VWF: variants seen among roughly 807,000 people sequenced by gnomAD.
VWF encodes the protein von Willebrand factor, also known as Factor VIII related antigen.
Under a neutral mutation model 308.6 loss-of-function variants are expected in VWF, and 176 were observed. The ratio of observed to expected loss-of-function variants is 0.57; its 90% CI spans 0.50 to 0.65. VWF has a LOEUF of 0.65. Among genes scored for constraint, VWF ranks in the 30% least tolerant of loss-of-function variants. The pLI, the probability that VWF is intolerant of heterozygous loss-of-function variation, is 0.00. For missense variants in VWF, 3,146 were observed against 3,648.2 expected (o/e 0.86, Z 3.55); for synonymous variants, 1,385 against 1,443.4 (o/e 0.96, Z 0.92).
intron 44 of VWF, 40 bp from the exon 45 acceptor site, chr12:5,969,431 G>A (rs754042016): frequency 1.9e-6 from 3 of 1,612,942 alleles, no homozygotes; most frequent in Non-Finnish European, 2.5e-6. Flanking sequence ...CTGGGGCAGG[G>A]CTGGAGCCCA....
chr12:5,993,631 A>ATG (rs1337811000), intron 37 of VWF, among the ~76,000 whole-genome samples: 11 of 129,824 alleles, frequency 8.5e-5, no homozygotes, highest in East Asian at 2.9e-4. Context: ...ATATACATAT[A>ATG]TATGTGTGTG....
chr12:6,064,693 T>G (rs1354035921), intron 11 of VWF, among the ~76,000 whole-genome samples: 1 of 152,180 alleles, frequency 6.6e-6, no homozygotes, highest in African/African-American at 2.4e-5. Context: ...AAGACTTTGA[T>G]CCTCAAGGAA....
At chr12:6,081,740 T>C (rs747493040) in intron 6 of VWF, among the ~76,000 whole-genome samples, 1 of 152,214 alleles carries the variant, frequency 6.6e-6, no homozygotes, top group Non-Finnish European at 1.5e-5. Context: ...AATACTAAGA[T>C]GCTATTTGCA....
chr12:6,000,811 C>CAAAAAAAAAAAAAAAAAA (rs71064181), intron 34 of VWF, among the ~76,000 whole-genome samples: 1 of 69,804 alleles, frequency 1.4e-5, no homozygotes. Context: ...GACTCTGTCT[C>CAAAAAAAAAAAAAAAAAA]AAAAAAAAAA....
chr12:6,033,474 A>G (rs1944295301), intron 20 of VWF, among the ~76,000 whole-genome samples: 1 of 152,186 alleles, frequency 6.6e-6, no homozygotes, highest in Non-Finnish European at 1.5e-5. Flanking sequence ...GCACTGAATT[A>G]ATTTTTTCCT....
chr12:6,054,362 C>G (rs1944553470), intron 15 of VWF, among the ~76,000 whole-genome samples: 1 of 152,164 alleles, frequency 6.6e-6, no homozygotes, highest in Non-Finnish European at 1.5e-5. Flanking sequence ...ATGTGTTAGA[C>G]AATAAAGATG....
intron 18 of VWF, among the ~76,000 whole-genome samples, chr12:6,038,198 G>C (rs1337160226): frequency 3.3e-5 from 5 of 152,158 alleles, no homozygotes; most frequent in Admixed American, 1.3e-4. Context: ...TCACAATTAG[G>C]GTTCATGTCC....
At chr12:6,048,544 C>T (rs573037332) in intron 16 of VWF, among the ~76,000 whole-genome samples, 1 of 152,074 alleles carries the variant, frequency 6.6e-6, no homozygotes, top group East Asian at 1.9e-4. Flanking sequence ...CTCACTGCAA[C>T]CTCCACTTCC....
At chr12:6,053,109 G>A (rs1295555697) in intron 15 of VWF, among the ~76,000 whole-genome samples, 1 of 152,152 alleles carries the variant, frequency 6.6e-6, no homozygotes, top group Non-Finnish European at 1.5e-5. Context: ...CAACCACAGG[G>A]AATGTGCATT....
chr12:6,085,420 C>G (rs2239149), intron 6 of VWF, among the ~76,000 whole-genome samples: 42,230 of 151,846 alleles, frequency 0.28, 6,561 homozygotes, highest in East Asian at 0.45. Context: ...TACGTTGTAT[C>G]ACGCAAGCCA....
chr12:6,038,886 G>A (rs1214143419), intron 18 of VWF, among the ~76,000 whole-genome samples: 7 of 152,320 alleles, frequency 4.6e-5, no homozygotes, highest in Admixed American at 4.6e-4. Flanking sequence ...CCTGACTTGG[G>A]AGAGAAGAGC....
intron 34 of VWF, among the ~76,000 whole-genome samples, chr12:5,997,519 G>T (rs1488684090): frequency 6.6e-6 from 1 of 152,178 alleles, no homozygotes; most frequent in Admixed American, 6.5e-5. Flanking sequence ...CCTTGGATCA[G>T]TTACTTAACT....
At position 6,032,926 on chromosome 12, in the gene VWF, A is replaced by G. The variant is rs550745968; in HGVS notation, c.2686-1348T>C. 4.6e-5 allele frequency among the ~76,000 whole-genome samples: 7 copies of G among 152,004 alleles called. No individual in the cohort carries two copies. In the East Asian group the frequency reaches 7.7e-4, roughly 17 times the overall value. ...TACACACACGTAGCCATACACACAC[A>G]CGCGCTCACGCATACACACACATAC... On this transcript the variant is annotated intron_variant, in intron 20 of 51. Coordinates refer to ENST00000261405, the MANE Select transcript of VWF (RefSeq NM_000552.5).
chr12:5,994,201 T>C lies in VWF; in HGVS notation c.6259A>G (p.Ile2087Val). 6.2e-7 allele frequency: 1 copy of C among 1,613,714 alleles called. No individual in the cohort carries two copies. Among genetic ancestry groups the C allele is most frequent in the Middle Eastern group, 1.7e-4 (1 of 6,060 alleles). Residue 2087 changes from isoleucine to valine, a missense_variant and splice_region_variant, in exon 37 of 52, where the codon ATC becomes GTC. Physicochemically the swap from Ile to Val is conservative, Grantham distance 29. Coordinates refer to ENST00000261405, the MANE Select transcript of VWF (RefSeq NM_000552.5). The part of the protein sequence containing the change: ...FASKTYGLCG[I>V]CDENGANDFM... ...TCATTGGCTCCGTTCTCATCACAGA[T>C]CCCTAGAGAAACAAACAAACAAAAA...
intron 42 of VWF, among the ~76,000 whole-genome samples, chr12:5,980,177 G>GGGAGGGAA (rs1565817215): frequency 4.4e-5 from 3 of 67,926 alleles, no homozygotes; most frequent in African/African-American, 1.6e-4. Context: ...GAGGGAGGGA[G>GGGAGGGAA]GGAGGGAGGG....
Position 6,075,529 on chromosome 12 carries a change from A to C in VWF, c.680T>G (p.Leu227Arg). 1 of 1,614,084 alleles carries C rather than the reference A, an allele frequency of 6.2e-7. No homozygotes were observed. The highest frequency in any genetic ancestry group is 8.5e-7 in the Non-Finnish European group (1 of 1,179,938). The change falls in exon 7 of 52, where the codon CTT becomes CGT. Residue 227 changes from leucine (L) to arginine (R), a missense_variant. Around this residue, in one of 3 missense-constraint regions of VWF, gnomAD observed 1,304 missense variants for 1,353.0 expected, o/e 0.96. Coordinates refer to ENST00000261405, the MANE Select transcript of VWF (RefSeq NM_000552.5). The surrounding 1 kb of genome is among the most constrained non-coding windows in gnomAD (Gnocchi z 4.7). ...GGCAAACACCGAGGTGCTCTTCAGA[A>C]GCTGGCACTGCTCCCACAGGCCCTG... is the stretch of plus-strand genomic sequence containing the variant. ...MQKGLWEQCQ[L>R]LKSTSVFARC...
At chr12:5,958,733 G>A (rs1017716014) in intron 47 of VWF, among the ~76,000 whole-genome samples, 4 of 152,130 alleles carry the variant, frequency 2.6e-5, no homozygotes, top group African/African-American at 9.7e-5. Context: ...TCACTTAGGG[G>A]AAGCAGGGAA....
At chr12:6,077,797 G>A (rs1172110689) in intron 6 of VWF, among the ~76,000 whole-genome samples, 1 of 152,112 alleles carries the variant, frequency 6.6e-6, no homozygotes, top group Non-Finnish European at 1.5e-5. Flanking sequence ...GGAACCTGAG[G>A]CTTCTGAAAG....
intron 47 of VWF, among the ~76,000 whole-genome samples, chr12:5,962,645 T>A (rs1042823585): frequency 2.7e-5 from 1 of 37,056 alleles, no homozygotes. Context: ...TGGGTTCAAG[T>A]GTTCAAGTGA....
Sources: gnomAD v4.1 joint callset for allele counts (sites outside exome capture counted in the v4.1 genomes callset) on GRCh38, gnomAD v4.1.1 for gene constraint, gnomAD v4.1.1 regional missense constraint, Gnocchi (gnomAD v3.1) non-coding constraint, MANE v1.5 for transcripts, NCBI Gene and HGNC (gene_info 2026-07-23, HGNC 2026-07-21) for gene names.